Variants in ZNF680 observed in about 807,000 individuals in gnomAD.
The protein encoded by ZNF680 is zinc finger protein 680, also known as hypothetical protein FLJ90430.
Under a neutral mutation model 12.1 loss-of-function variants are expected in ZNF680, and 6 were observed. That is an observed-to-expected ratio of 0.49 (90% CI 0.27 to 0.98). ZNF680 has a LOEUF of 0.98. Ranked by LOEUF, ZNF680 falls within the 50% of genes least tolerant of loss-of-function variation. ZNF680 has a pLI of 0.12. For missense variants in ZNF680, 561 were observed against 616.3 expected, an observed-to-expected ratio of 0.91 and a Z score of 0.95; for synonymous variants, 170 against 199.3, an observed-to-expected ratio of 0.85 and a Z score of 1.24.
chr7:64,557,766 G>A (rs1787503403), intron 1 of ZNF680, among the ~76,000 whole-genome samples: 1 of 152,164 alleles, frequency 6.6e-6, no homozygotes, highest in African/African-American at 2.4e-5. Context: ...GCATGCACCT[G>A]TAGTTCCAGT....
the ZNF680 span, among the ~76,000 whole-genome samples, chr7:64,508,439 G>A: frequency 6.6e-6 from 1 of 152,068 alleles, no homozygotes; most frequent in Non-Finnish European, 1.5e-5. Flanking sequence ...AACTACTGAT[G>A]TGGCCAGCTT....
chr7:64,523,640 G>A (rs111362693), intron 3 of ZNF680, among the ~76,000 whole-genome samples: 10,135 of 152,136 alleles, frequency 0.067, 480 homozygotes, highest in Admixed American at 0.1. Context: ...AAGGCCGGGC[G>A]TGGTGGCTCA....
the ZNF680 span, among the ~76,000 whole-genome samples, chr7:64,506,876 T>A: frequency 1.3e-5 from 2 of 152,224 alleles, no homozygotes; most frequent in Non-Finnish European, 2.9e-5. Flanking sequence ...TAATGATACC[T>A]ATGTTATTAA....
At chr7:64,540,555 G>A (rs1186441206) in intron 3 of ZNF680, among the ~76,000 whole-genome samples, 2 of 151,962 alleles carry the variant, frequency 1.3e-5, no homozygotes, top group Non-Finnish European at 2.9e-5. Flanking sequence ...CACCTGCCTC[G>A]GGCTCCCAAA....
the ZNF680 span, among the ~76,000 whole-genome samples, chr7:64,504,321 A>AGCACT: frequency 6.6e-6 from 1 of 152,222 alleles, no homozygotes; most frequent in South Asian, 2.1e-4. Flanking sequence ...GATGATGAAG[A>AGCACT]GCACTTGTTT....
the ZNF680 span, among the ~76,000 whole-genome samples, chr7:64,505,816 C>T: frequency 1.3e-5 from 2 of 151,330 alleles, no homozygotes; most frequent in South Asian, 2.1e-4. Context: ...GTCCTCTCTA[C>T]TGGAAGCACC....
At chr7:64,513,727 C>T in the ZNF680 span, among the ~76,000 whole-genome samples, 3 of 152,012 alleles carry the variant, frequency 2.0e-5, no homozygotes, top group African/African-American at 7.2e-5. Context: ...CTCACTGCAA[C>T]CTCTGCCTCC....
At chr7:64,556,579 T>C (rs535494722) in intron 1 of ZNF680, among the ~76,000 whole-genome samples, 6 of 151,972 alleles carry the variant, frequency 3.9e-5, no homozygotes, top group East Asian at 1.9e-4. Context: ...GCTAGCACTA[T>C]GTAAAAGACT....
At chr7:64,506,547 T>A in the ZNF680 span, among the ~76,000 whole-genome samples, 1 of 152,214 alleles carries the variant, frequency 6.6e-6, no homozygotes, top group African/African-American at 2.4e-5. Context: ...AAATAATAAT[T>A]AATTACTTTC....
chr7:64,551,095 C>A (rs528589181), intron 1 of ZNF680, among the ~76,000 whole-genome samples: 3 of 152,266 alleles, frequency 2.0e-5, no homozygotes, highest in Admixed American at 2.0e-4. Flanking sequence ...ACTTACAGCA[C>A]CATGTCATGC....
At chr7:64,555,833 C>G (rs931097537) in intron 1 of ZNF680, among the ~76,000 whole-genome samples, 1 of 151,382 alleles carries the variant, frequency 6.6e-6, no homozygotes, top group Non-Finnish European at 1.5e-5. Context: ...TACCACTGAC[C>G]CCACAGAAAT....
intron 3 of ZNF680, among the ~76,000 whole-genome samples, chr7:64,528,593 C>A (rs1405992143): frequency 6.6e-6 from 1 of 152,152 alleles, no homozygotes; most frequent in African/African-American, 2.4e-5. Context: ...TTGGCAGAAG[C>A]AGCCATTATC....
At chr7:64,539,744 T>C (rs1488361567) in intron 3 of ZNF680, among the ~76,000 whole-genome samples, 1 of 152,198 alleles carries the variant, frequency 6.6e-6, no homozygotes, top group East Asian at 1.9e-4. Flanking sequence ...TTAACCAGGC[T>C]GAAGTAAATC....
chr7:64,518,486 A>T (rs1791398979), downstream of ZNF680, among the ~76,000 whole-genome samples: 1 of 152,024 alleles, frequency 6.6e-6, no homozygotes. Context: ...TGTGAAAATG[A>T]CTACATTGCC....
intron 3 of ZNF680, chr7:64,526,254 AT>A (rs1352729294): frequency 4.4e-6 from 5 of 1,125,802 alleles, no homozygotes; most frequent in Non-Finnish European, 5.4e-6. Flanking sequence ...AACTTCCCAA[AT>A]TTTGATGCAG....
At position 64,521,059 on chromosome 7, in the gene ZNF680, C is replaced by T. The variant is rs939355905; in HGVS notation, c.*102G>A. 3.9e-6 allele frequency: 5 copies of T among 1,269,680 alleles called. No individual in the cohort carries two copies. In the African/African-American group the frequency reaches 6.0e-5, roughly 15 times the overall value. 78.7% of individuals were successfully genotyped at this position (1,269,680 alleles called of 1,614,324 possible). ...TAAAGTTTTCTCCAATATAAATTAT[C>T]TTACCTACAAGCAAGTGTAACAATC... On this transcript the variant is annotated 3_prime_UTR_variant, in exon 4 of 4. Transcript: ENST00000309683.
chr7:64,526,453 G>A (rs939975047), intron 3 of ZNF680: 5 of 1,418,468 alleles, frequency 3.5e-6, no homozygotes, highest in African/African-American at 2.9e-5. Flanking sequence ...TCTTTAGGGA[G>A]GCCAAGGCAG....
At chr7:64,510,023 TAAAAA>T in the ZNF680 span, among the ~76,000 whole-genome samples, 2 of 105,904 alleles carry the variant, frequency 1.9e-5, no homozygotes, top group East Asian at 5.1e-4. Flanking sequence ...CGTAAAACTC[TAAAAA>T]AAAAAAAAAA....
chr7:64,535,868 C>T (rs1584371929), intron 3 of ZNF680, among the ~76,000 whole-genome samples: 1 of 152,094 alleles, frequency 6.6e-6, no homozygotes, highest in East Asian at 1.9e-4. Flanking sequence ...TGCTTGAACT[C>T]GGGAGGCAGA....
Sources: allele counts gnomAD v4.1 joint callset (sites outside exome capture counted in the v4.1 genomes callset), GRCh38; gene constraint gnomAD v4.1.1; transcripts MANE v1.5; gene names NCBI Gene and HGNC (gene_info 2026-07-23, HGNC 2026-07-21).